The following PTPRD variants were observed in gnomAD, a reference collection of about 807,000 sequenced individuals.
PTPRD encodes protein tyrosine phosphatase receptor type D.
PTPRD carries 34 observed loss-of-function variants against 214.5 expected under a neutral mutation model. The ratio of observed to expected loss-of-function variants is 0.16; its 90% CI spans 0.12 to 0.21. PTPRD has a LOEUF of 0.21. PTPRD is among the 10% of genes least tolerant of loss of function. The pLI is 1.00. For missense variants in PTPRD, 2,545 were observed against 2,398.7 expected (o/e 1.06, Z -1.27); for synonymous variants, 1,128 against 845.7 (o/e 1.33, Z -5.79).
At chr9:10,131,867 A>T (rs1369241015) in intron 3 of PTPRD, among the ~76,000 whole-genome samples, 1 of 152,164 alleles carries the variant, frequency 6.6e-6, no homozygotes, top group Non-Finnish European at 1.5e-5. Context: ...TCGCTTTGTG[A>T]CATCAAAATA....
intron 39 of PTPRD, among the ~76,000 whole-genome samples, chr9:8,359,116 A>C (rs1467209162): frequency 6.5e-4 from 10 of 15,438 alleles, no homozygotes; most frequent in South Asian, 7.9e-3. Context: ...TCAAAAAAAA[A>C]AAAAAACAAA....
intron 14 of PTPRD, among the ~76,000 whole-genome samples, chr9:8,614,784 T>C (rs2095556990): frequency 1.3e-5 from 2 of 152,134 alleles, no homozygotes; most frequent in Non-Finnish European, 2.9e-5. Flanking sequence ...CAGGAACAAG[T>C]ATCTGTTAGC....
chr9:10,494,499 G>A (rs2041415000), intron 2 of PTPRD, among the ~76,000 whole-genome samples: 1 of 151,606 alleles, frequency 6.6e-6, no homozygotes, highest in Non-Finnish European at 1.5e-5. Context: ...AACTACTAAG[G>A]AAATTGAGTT....
intron 8 of PTPRD, among the ~76,000 whole-genome samples, chr9:9,569,455 G>A (rs1457907137): frequency 6.6e-6 from 1 of 151,676 alleles, no homozygotes; most frequent in African/African-American, 2.4e-5. Flanking sequence ...GCTGAATTCT[G>A]CTCAGCTTTA....
At chr9:9,305,714 T>C (rs531588692) in intron 9 of PTPRD, among the ~76,000 whole-genome samples, 1 of 152,256 alleles carries the variant, frequency 6.6e-6, no homozygotes, top group South Asian at 2.1e-4. Flanking sequence ...TTAGTGTTTT[T>C]ATAAGATAAA....
chr9:8,505,605 G>C (rs1286003365), intron 22 of PTPRD, among the ~76,000 whole-genome samples: 1 of 128,626 alleles, frequency 7.8e-6, no homozygotes. Context: ...CTAGGCGACA[G>C]AGTGAGGAGA....
At chr9:10,114,272 G>A (rs1040805948) in intron 3 of PTPRD, among the ~76,000 whole-genome samples, 1 of 152,130 alleles carries the variant, frequency 6.6e-6, no homozygotes, top group Admixed American at 6.6e-5. Context: ...GCAAATAACA[G>A]CTGAGCCACC....
intron 11 of PTPRD, among the ~76,000 whole-genome samples, chr9:8,964,968 C>T (rs943011091): frequency 5.3e-5 from 8 of 152,002 alleles, no homozygotes; most frequent in African/African-American, 1.5e-4. Flanking sequence ...TATGACCAAG[C>T]ATGTGGTTGA....
intron 9 of PTPRD, among the ~76,000 whole-genome samples, chr9:9,298,024 T>G (rs1361306829): frequency 2.0e-5 from 3 of 151,714 alleles, no homozygotes; most frequent in African/African-American, 7.2e-5. Flanking sequence ...GGGAATATGA[T>G]TAAATAAATC....
chr9:10,474,785 AC>A (rs2099052324), intron 2 of PTPRD, among the ~76,000 whole-genome samples: 1 of 152,002 alleles, frequency 6.6e-6, no homozygotes, highest in Non-Finnish European at 1.5e-5. Context: ...ACAAACAGTC[AC>A]TCAGACCACA....
chr9:10,197,185 C>A (rs2099401678), intron 3 of PTPRD, among the ~76,000 whole-genome samples: 1 of 152,116 alleles, frequency 6.6e-6, no homozygotes, highest in African/African-American at 2.4e-5. Flanking sequence ...CCCCACCCCA[C>A]CACTCCCTTT....
intron 2 of PTPRD, among the ~76,000 whole-genome samples, chr9:10,521,432 T>C (rs1032469747): frequency 1.3e-5 from 2 of 152,166 alleles, no homozygotes; most frequent in Non-Finnish European, 2.9e-5. Flanking sequence ...GGTGAAGATG[T>C]AGCGAACATT....
At position 8,316,293 on chromosome 9, in the gene PTPRD, C is replaced by A. The variant is rs115552424; in HGVS notation, c.*1581G>T. 2 of 230,074 alleles carry A rather than the reference C, an allele frequency of 8.7e-6. No homozygotes were observed. The highest frequency in any genetic ancestry group is 1.7e-5 in the Non-Finnish European group (2 of 115,962). 14.3% of individuals were successfully genotyped at this position (230,074 alleles called of 1,614,324 possible). On this transcript the variant is annotated 3_prime_UTR_variant, in exon 46 of 46. Transcript: ENST00000381196. Reference sequence around the variant, plus strand: ...CAGATACGAACAGTGAATGGAAATACGAACCAAAAGCTAAAAAGAAATGCT... The same window carrying A: ...CAGATACGAACAGTGAATGGAAATAAGAACCAAAAGCTAAAAAGAAATGCT...
chr9:9,175,466 C>G (rs563898161), intron 10 of PTPRD, among the ~76,000 whole-genome samples: 4 of 151,198 alleles, frequency 2.6e-5, no homozygotes, highest in African/African-American at 9.7e-5. Context: ...ACTAAAAATA[C>G]AAAAAAATTA....
chr9:10,371,728 T>A (rs1351209181), intron 2 of PTPRD, among the ~76,000 whole-genome samples: 2 of 152,064 alleles, frequency 1.3e-5, no homozygotes, highest in Admixed American at 1.3e-4. Context: ...AAATATAGCA[T>A]AAAGGAAATT....
intron 2 of PTPRD, among the ~76,000 whole-genome samples, chr9:10,412,710 CA>C (rs1197715707): frequency 6.6e-6 from 1 of 151,134 alleles, no homozygotes; most frequent in African/African-American, 2.4e-5. Context: ...CGAAAACCCT[CA>C]AAAAACACTT....
intron 3 of PTPRD, among the ~76,000 whole-genome samples, chr9:10,152,664 A>G (rs1257843526): frequency 2.6e-5 from 4 of 152,128 alleles, no homozygotes; most frequent in Non-Finnish European, 4.4e-5. Context: ...CACCTCTACT[A>G]AAAATACAAA....
At chr9:8,772,919 T>G (rs1282906835) in intron 11 of PTPRD, among the ~76,000 whole-genome samples, 1 of 152,186 alleles carries the variant, frequency 6.6e-6, no homozygotes, top group Non-Finnish European at 1.5e-5. Flanking sequence ...TTTGATAACT[T>G]TAGGCCTTGT....
At chr9:10,304,467 A>C in intron 3 of PTPRD, among the ~76,000 whole-genome samples, 1 of 152,200 alleles carries the variant, frequency 6.6e-6, no homozygotes, top group East Asian at 1.9e-4. Flanking sequence ...AGAGGAAGTC[A>C]AATTGTCTCT....
Sources: allele counts gnomAD v4.1 joint callset (sites outside exome capture counted in the v4.1 genomes callset), GRCh38; gene constraint gnomAD v4.1.1; transcripts MANE v1.5; gene names NCBI Gene and HGNC (gene_info 2026-07-23, HGNC 2026-07-21).